OSMR: variants seen among roughly 807,000 people sequenced by gnomAD.
The protein encoded by OSMR is oncostatin-M-specific receptor subunit beta.
OSMR carries 81 observed loss-of-function variants against 99.9 expected under a neutral mutation model. The observed-to-expected ratio is 0.81, with a 90% CI of 0.68 to 0.97. The LOEUF (loss-of-function observed/expected upper bound fraction) is 0.97. OSMR is among the 50% of genes least tolerant of loss of function. The probability of loss-of-function intolerance (pLI) is 0.00; values close to 1 mark genes in which losing one functional copy is unlikely to be tolerated. For missense variants in OSMR, 1,099 were observed against 1,153.4 expected (o/e 0.95, Z 0.68); for synonymous variants, 406 against 410.4 (o/e 0.99, Z 0.13).
chr5:38,913,219 C>T (rs1012890742), intron 9 of OSMR, among the ~76,000 whole-genome samples: 2 of 151,952 alleles, frequency 1.3e-5, no homozygotes, highest in Non-Finnish European at 2.9e-5. Context: ...GGAACTTAAA[C>T]AATTCAACAA....
rs1386529334 is a variant in OSMR at position 38,932,488 on chromosome 5, A to G, written c.2320A>G (p.Ile774Val). 4 of 1,613,912 alleles carry G rather than the reference A, an allele frequency of 2.5e-6. No individual in the cohort carries two copies. The highest frequency in any genetic ancestry group is 1.7e-5 in the Admixed American group (1 of 60,014). The change falls in exon 17 of 18, where the codon ATC (isoleucine) becomes GTC (valine). Residue 774 changes from isoleucine to valine, a missense_variant. By Grantham distance (29) the Ile-to-Val change is conservative. Coordinates refer to ENST00000274276, the MANE Select transcript of OSMR (RefSeq NM_003999.3). ...QWIKETCYPD[I>V]PDPYKSSILS... ...GATCAAGGAGACCTGTTATCCTGACATCCCTGACCCTTACAAGAGCAGCAT... is the reference window on the plus strand; with the variant it reads ...GATCAAGGAGACCTGTTATCCTGACGTCCCTGACCCTTACAAGAGCAGCAT...
intron 7 of OSMR, among the ~76,000 whole-genome samples, chr5:38,895,843 G>A (rs143289984): frequency 6.6e-6 from 1 of 152,084 alleles, no homozygotes; most frequent in Non-Finnish European, 1.5e-5. Context: ...CTAGAAATCG[G>A]TGTCTAGTTT....
At chr5:38,945,448 A>C, downstream of OSMR, 1 of 1,299,806 alleles carries the variant, frequency 7.7e-7, no homozygotes, top group South Asian at 1.3e-5. Flanking sequence ...AGAGAACTTT[A>C]GTCATCACTA....
In OSMR at chr5:38,902,571, C is replaced by T. The variant is rs531493097; in HGVS notation, c.992-1311C>T. Among the ~76,000 whole-genome samples, 25 of 152,354 alleles carry T rather than the reference C, an allele frequency of 1.6e-4. 1 individual carries two copies. The East Asian group carries it at 4.1e-3, about 25-fold the overall frequency. On this transcript the variant is annotated intron_variant, in intron 7 of 17. Coordinates refer to ENST00000274276, the MANE Select transcript of OSMR (RefSeq NM_003999.3). ...GAATTTTCTTCTTTTTCTCTTTTCT[C>T]TTAACAAGAGTATTAGGCCAGTGCC...
At chr5:38,908,639 G>C (rs1745392909) in intron 9 of OSMR, among the ~76,000 whole-genome samples, 1 of 152,206 alleles carries the variant, frequency 6.6e-6, no homozygotes, top group Admixed American at 6.5e-5. Context: ...ATGCAGACCA[G>C]GAGTGCTAAG....
intron 1 of OSMR, among the ~76,000 whole-genome samples, chr5:38,864,977 T>C (rs1579651350): frequency 6.6e-6 from 1 of 152,236 alleles, no homozygotes; most frequent in East Asian, 1.9e-4. Flanking sequence ...TCTCTGTCTG[T>C]CGCTTTTATG....
At chr5:38,848,415 C>T (rs1054365615) in intron 1 of OSMR, among the ~76,000 whole-genome samples, 1 of 152,184 alleles carries the variant, frequency 6.6e-6, no homozygotes, top group Non-Finnish European at 1.5e-5. Context: ...CTTCCCTCCT[C>T]ATTTTAGTTG....
intron 1 of OSMR, among the ~76,000 whole-genome samples, chr5:38,866,943 GTCA>G (rs1741996490): frequency 6.6e-6 from 1 of 152,146 alleles, no homozygotes; most frequent in South Asian, 2.1e-4. Flanking sequence ...TCCTGGCTGG[GTCA>G]TCTGCTTTAC....
chr5:38,889,141 G>T (rs1743987871), intron 7 of OSMR, among the ~76,000 whole-genome samples: 1 of 151,732 alleles, frequency 6.6e-6, no homozygotes, highest in Non-Finnish European at 1.5e-5. Flanking sequence ...TCTTGGTGTT[G>T]GCTATTCTAG....
intron 4 of OSMR, among the ~76,000 whole-genome samples, chr5:38,882,001 G>C (rs182263471): frequency 2.4e-4 from 37 of 152,262 alleles, no homozygotes; most frequent in African/African-American, 7.9e-4. Context: ...AGGCAATTTT[G>C]TATTTGTTTT....
chr5:38,908,906 A>G (rs1263069500), intron 9 of OSMR, among the ~76,000 whole-genome samples: 1 of 152,226 alleles, frequency 6.6e-6, no homozygotes, highest in African/African-American at 2.4e-5. Flanking sequence ...CTAGCATCCT[A>G]GCAATGGTTC....
At chr5:38,944,135 A>G in intron 1 of OSMR, 1 of 444,872 alleles carries the variant, frequency 2.2e-6, no homozygotes, top group Non-Finnish European at 4.3e-6. Flanking sequence ...GTATTTTAAT[A>G]AAAATAACTG....
chr5:38,903,318 G>C (rs1745015132), intron 7 of OSMR, among the ~76,000 whole-genome samples: 1 of 152,084 alleles, frequency 6.6e-6, no homozygotes, highest in South Asian at 2.1e-4. Flanking sequence ...TCTTATCTCT[G>C]AGTTCTTCAC....
chr5:38,879,626 T>TC (rs1743108252), intron 3 of OSMR, among the ~76,000 whole-genome samples: 1 of 149,406 alleles, frequency 6.7e-6, no homozygotes, highest in Non-Finnish European at 1.5e-5. Context: ...TTGCTCCTTT[T>TC]TTTTTTTTTT....
Position 38,850,200 on chromosome 5 carries a change from CA to C in OSMR, c.-14+3815del, listed in dbSNP as rs1426324150. 6.6e-5 allele frequency among the ~76,000 whole-genome samples: 10 copies of C among 152,290 alleles called. No homozygotes were observed. In the East Asian group the frequency reaches 7.7e-4, roughly 12 times the overall value. On this transcript the variant is annotated intron_variant, in intron 1 of 17. Transcript: ENST00000274276. Reference sequence around the variant, plus strand: ...CTGGCCTGAGATTTTGCATTTCTGACAAGCTACCAGGTGATGTCAATACTGC... The same window carrying C: ...CTGGCCTGAGATTTTGCATTTCTGACAGCTACCAGGTGATGTCAATACTGC...
At chr5:38,942,526 T>C (rs376248273) in intron 1 of OSMR, 504 of 492,998 alleles carry the variant, frequency 1.0e-3, no homozygotes, top group Non-Finnish European at 1.4e-3. Context: ...TCTTTGTTCA[T>C]TGCAACCTCT....
chr5:38,872,309 T>G (rs973698003), intron 2 of OSMR, among the ~76,000 whole-genome samples: 1 of 152,234 alleles, frequency 6.6e-6, no homozygotes, highest in Non-Finnish European at 1.5e-5. Flanking sequence ...GTTCTTCTTT[T>G]GTCTGGAGCT....
At chr5:38,942,988 T>C (rs374761755) in intron 1 of OSMR, 39 of 1,573,768 alleles carry the variant, frequency 2.5e-5, no homozygotes, top group Non-Finnish European at 3.3e-5. Context: ...TAAAAGATTA[T>C]GGTGTGATGA....
chr5:38,925,136 A>T (rs1395530314), intron 14 of OSMR, 68 bp from the exon 15 acceptor site: 1 of 1,599,552 alleles, frequency 6.3e-7, no homozygotes, highest in Non-Finnish European at 8.5e-7. Context: ...CTCTCTCACA[A>T]GATGTTTACA....
Sources: gnomAD v4.1 joint callset for allele counts (sites outside exome capture counted in the v4.1 genomes callset) on GRCh38, gnomAD v4.1.1 for gene constraint, MANE v1.5 for transcripts, NCBI Gene and HGNC (gene_info 2026-07-23, HGNC 2026-07-21) for gene names.